The following KATNIP variants were observed in gnomAD, a reference collection of about 807,000 sequenced individuals.
KATNIP encodes the protein katanin-interacting protein.
A neutral mutation model predicts 174.0 loss-of-function variants in KATNIP; 126 were observed. The ratio of observed to expected loss-of-function variants is 0.72; its 90% CI spans 0.63 to 0.84. The LOEUF is 0.84. Among genes scored for constraint, KATNIP ranks in the 40% least tolerant of loss-of-function variants. The pLI, the probability that KATNIP is intolerant of heterozygous loss-of-function variation, is 0.00. For synonymous variants in KATNIP, 810 were observed against 835.7 expected (o/e 0.97, Z 0.53); for missense variants, 1,958 against 2,109.7 (o/e 0.93, Z 1.41).
At chr16:27,561,208 G>A (rs546387129) in intron 1 of KATNIP, among the ~76,000 whole-genome samples, 2 of 150,862 alleles carry the variant, frequency 1.3e-5, no homozygotes, top group South Asian at 4.2e-4. Flanking sequence ...TTTTCAGTAG[G>A]GACGGGGTTT....
At chr16:27,730,834 C>T (rs150376520) in intron 14 of KATNIP, among the ~76,000 whole-genome samples, 1,748 of 152,252 alleles carry the variant, frequency 0.011, 59 homozygotes, top group Middle Eastern at 0.01. Flanking sequence ...GCAATGTGTT[C>T]GGTTTTGGTC....
chr16:27,713,826 A>G (rs868340605), intron 13 of KATNIP, among the ~76,000 whole-genome samples: 23 of 49,676 alleles, frequency 4.6e-4, no homozygotes, highest in African/African-American at 1.7e-3. Context: ...ATATATATAT[A>G]TATATATATA....
At chr16:27,577,012 G>A (rs892499857) in intron 2 of KATNIP, among the ~76,000 whole-genome samples, 2 of 152,212 alleles carry the variant, frequency 1.3e-5, no homozygotes, top group Admixed American at 6.5e-5. Flanking sequence ...CTTCTTTGAG[G>A]GATCTTAAGC....
chr16:27,595,571 T>A (rs1271915555), intron 2 of KATNIP, among the ~76,000 whole-genome samples: 2 of 152,196 alleles, frequency 1.3e-5, no homozygotes, highest in Admixed American at 6.5e-5. Context: ...GTGCACTCAT[T>A]CTTTCATTTA....
Position 27,708,728 on chromosome 16 carries a change from C to T in KATNIP, c.1413C>T (p.Asp471=), listed in dbSNP as rs371872875. The T allele has an allele frequency of 9.9e-6, 16 of 1,613,636 alleles. No homozygotes were observed. Among genetic ancestry groups the T allele is most frequent in the South Asian group, 2.2e-5 (2 of 91,034 alleles). The change falls in exon 13 of 28, where the codon GAC becomes GAT. Residue 471 remains aspartate (D), a synonymous_variant. Coordinates refer to ENST00000261588, the MANE Select transcript of KATNIP (RefSeq NM_015202.5). Reference sequence around the variant, plus strand: ...AGGACAAACAGAGAATGAGGGCAGACGAGATCAAAGATGCCATCTACGTGA... The same window carrying T: ...AGGACAAACAGAGAATGAGGGCAGATGAGATCAAAGATGCCATCTACGTGA... ...DTEDKQRMRA[D]EIKDAIYVTM...
chr16:27,671,859 C>T (rs1270145176), intron 6 of KATNIP, among the ~76,000 whole-genome samples: 1 of 152,108 alleles, frequency 6.6e-6, no homozygotes, highest in Non-Finnish European at 1.5e-5. Flanking sequence ...AGTTCAAGAC[C>T]AGCCTGGCCA....
At chr16:27,774,817 C>A in intron 23 of KATNIP, 128 bp from the exon 24 acceptor site, 1 of 1,087,878 alleles carries the variant, frequency 9.2e-7, no homozygotes, top group Non-Finnish European at 1.3e-6. Context: ...TCAGCTGTCA[C>A]TGCTGCGGCT....
At chr16:27,771,904 A>G (rs2144207571) in intron 22 of KATNIP, among the ~76,000 whole-genome samples, 1 of 152,248 alleles carries the variant, frequency 6.6e-6, no homozygotes, top group East Asian at 1.9e-4. Context: ...GAGGGGCTAG[A>G]GAAGCTGGCA....
chr16:27,750,310 T>C lies in KATNIP; in HGVS notation c.3346+4T>C, dbSNP rs74013509. ...GCCTCTGGAACCCTGGCGGGAGGTA[T>C]GGCGTGTCTGTAAGAATTTTCTCAG... On this transcript the variant is annotated splice_donor_region_variant and intron_variant, in intron 16 of 27. Coordinates refer to ENST00000261588, the MANE Select transcript of KATNIP (RefSeq NM_015202.5). 0.03 allele frequency: 48,105 copies of C among 1,596,314 alleles called. 1,647 individuals carry two copies. Among genetic ancestry groups the C allele is most frequent in the African/African-American group, 0.15 (11,380 of 74,754 alleles).
rs2076426858 is a variant in KATNIP, at chr16:27,629,504, TTTAG to T, written c.310+678_310+681del. On this transcript the variant is annotated intron_variant, in intron 4 of 27. Transcript: ENST00000261588. The stretch of plus-strand genomic sequence containing the variant: ...TTTGATTTTACCACTCATTTCTGTA[TTTAG>T]TTAATCTATACTGTGCATACTTTAA... 3.3e-5 allele frequency among the ~76,000 whole-genome samples: 5 copies of T among 152,350 alleles called. No individual in the cohort carries two copies. The South Asian group carries it at 1.0e-3, about 32-fold the overall frequency.
rs1389589891 is a variant in KATNIP, at chr16:27,637,896, G to A, written c.408+6734G>A. ...CCCATGGGAGCAAGGGGCTACAGGA[G>A]GACCAGGAAGCCTTTGAAGCAGGGC... On this transcript the variant is annotated intron_variant, in intron 5 of 27. Transcript: ENST00000261588. The surrounding 1 kb of genome is among the most constrained non-coding windows in gnomAD (Gnocchi z 4.7). Among the ~76,000 whole-genome samples, 2 of 152,136 alleles carry A rather than the reference G, an allele frequency of 1.3e-5. No homozygotes were observed. Among genetic ancestry groups the A allele is most frequent in the African/African-American group, 4.8e-5 (2 of 41,440 alleles).
At chr16:27,767,387 A>G (rs2082161901) in intron 20 of KATNIP, among the ~76,000 whole-genome samples, 1 of 152,162 alleles carries the variant, frequency 6.6e-6, no homozygotes, top group South Asian at 2.1e-4. Context: ...TGGGCTCCCC[A>G]CCATATACCC....
chr16:27,574,057 C>A, intron 2 of KATNIP, 101 bp downstream of exon 2: 1 of 1,025,464 alleles, frequency 9.8e-7, no homozygotes, highest in South Asian at 1.4e-5. Flanking sequence ...ACTCTTTTCT[C>A]TTGGGGTCCC....
intron 5 of KATNIP, among the ~76,000 whole-genome samples, chr16:27,645,051 T>A (rs896693381): frequency 1.3e-5 from 2 of 152,158 alleles, no homozygotes; most frequent in African/African-American, 4.8e-5. Context: ...TGGCCCTGCT[T>A]ACTGAGTCCA....
chr16:27,709,849 C>T (rs916705100), intron 13 of KATNIP, among the ~76,000 whole-genome samples: 8 of 152,208 alleles, frequency 5.3e-5, no homozygotes, highest in African/African-American at 7.2e-5. Flanking sequence ...CACTGGACCT[C>T]AGGGGTCATT....
chr16:27,653,896 C>G (rs1172820143), intron 6 of KATNIP, among the ~76,000 whole-genome samples: 2 of 152,128 alleles, frequency 1.3e-5, no homozygotes, highest in East Asian at 3.9e-4. Flanking sequence ...TCTTGAACTC[C>G]TGGGCTCAAG....
intron 3 of KATNIP, 100 bp from the exon 4 acceptor site, chr16:27,628,561 G>T: frequency 7.8e-7 from 1 of 1,285,824 alleles, no homozygotes; most frequent in Non-Finnish European, 1.1e-6. Context: ...TCTGATTAGA[G>T]ACGCTTCACT....
At chr16:27,604,301 T>G (rs1009259180) in intron 2 of KATNIP, among the ~76,000 whole-genome samples, 1 of 152,122 alleles carries the variant, frequency 6.6e-6, no homozygotes, top group African/African-American at 2.4e-5. Flanking sequence ...AGTCTCACTG[T>G]GTTACCCAGG....
chr16:27,672,499 G>A (rs2077955378), intron 6 of KATNIP, among the ~76,000 whole-genome samples: 1 of 152,198 alleles, frequency 6.6e-6, no homozygotes, highest in Non-Finnish European at 1.5e-5. Flanking sequence ...AAGGCCAGAG[G>A]TTTGCCATCT....
Sources: allele counts gnomAD v4.1 joint callset (sites outside exome capture counted in the v4.1 genomes callset), GRCh38; gene constraint gnomAD v4.1.1; non-coding constraint Gnocchi (gnomAD v3.1); transcripts MANE v1.5; gene names NCBI Gene and HGNC (gene_info 2026-07-23, HGNC 2026-07-21).